KALRN: variants seen among roughly 807,000 people sequenced by gnomAD.
KALRN encodes kalirin.
KALRN carries 70 observed loss-of-function variants against 353.7 expected under a neutral mutation model. The ratio of observed to expected loss-of-function variants is 0.20; its 90% CI spans 0.16 to 0.24. KALRN has a LOEUF of 0.24. Among genes scored for constraint, KALRN ranks in the 10% least tolerant of loss-of-function variants. The pLI, the probability that KALRN is intolerant of heterozygous loss-of-function variation, is 1.00. For missense variants in KALRN, 2,791 were observed against 3,756.7 expected (o/e 0.74, Z 6.72); for synonymous variants, 1,391 against 1,434.8 (o/e 0.97, Z 0.69).
chr3:124,335,511 C>T (rs2149470807), intron 9 of KALRN, among the ~76,000 whole-genome samples: 1 of 152,252 alleles, frequency 6.6e-6, no homozygotes, highest in East Asian at 1.9e-4. Flanking sequence ...TGTACTTTCT[C>T]TGTTTCTGTC....
At chr3:124,128,843 T>G (rs892076402) in intron 1 of KALRN, among the ~76,000 whole-genome samples, 6 of 152,252 alleles carry the variant, frequency 3.9e-5, no homozygotes, top group Non-Finnish European at 8.8e-5. Context: ...AAGAGTTCTG[T>G]GGTCCAGAGT....
At chr3:124,213,838 T>A (rs1407722222) in intron 1 of KALRN, among the ~76,000 whole-genome samples, 1 of 152,228 alleles carries the variant, frequency 6.6e-6, no homozygotes, top group Non-Finnish European at 1.5e-5. Context: ...ATTTCTTATT[T>A]GCCACAGGAT....
At chr3:124,355,861 A>T (rs2083344782) in intron 10 of KALRN, among the ~76,000 whole-genome samples, 1 of 151,736 alleles carries the variant, frequency 6.6e-6, no homozygotes, top group Admixed American at 6.6e-5. Context: ...GATCAAAAGC[A>T]TGAGCCACTA....
chr3:124,053,323 A>T (rs2041217854), intron 1 of KALRN, among the ~76,000 whole-genome samples: 1 of 152,222 alleles, frequency 6.6e-6, no homozygotes, highest in Admixed American at 6.5e-5. Context: ...GGAGATAGGA[A>T]TTCTAGATAG....
intron 11 of KALRN, among the ~76,000 whole-genome samples, chr3:124,392,125 C>G (rs2089484218): frequency 6.6e-6 from 1 of 152,094 alleles, no homozygotes; most frequent in Non-Finnish European, 1.5e-5. Context: ...TCACAGCTCA[C>G]TGCAGTCTTG....
intron 49 of KALRN, among the ~76,000 whole-genome samples, chr3:124,676,521 G>C (rs3772787): frequency 0.14 from 21,907 of 152,190 alleles, 1,972 homozygotes; most frequent in Middle Eastern, 0.25. Flanking sequence ...CTTCTGGGAA[G>C]AATATGAAAC....
At chr3:124,414,666 G>C (rs2092394879) in intron 14 of KALRN, among the ~76,000 whole-genome samples, 1 of 152,184 alleles carries the variant, frequency 6.6e-6, no homozygotes, top group Non-Finnish European at 1.5e-5. Flanking sequence ...TGGTGATCTT[G>C]AGGACCGCTG....
At chr3:124,400,458 TCCAA>T (rs1232229964) in intron 13 of KALRN, among the ~76,000 whole-genome samples, 1 of 152,226 alleles carries the variant, frequency 6.6e-6, no homozygotes, top group Non-Finnish European at 1.5e-5. Flanking sequence ...TAACTATCCT[TCCAA>T]CTGATTTCAT....
At position 124,129,727 on chromosome 3, in the gene KALRN, A is replaced by G. The variant is rs949049672; in HGVS notation, c.73+95914A>G. 3.3e-5 allele frequency among the ~76,000 whole-genome samples: 5 copies of G among 152,320 alleles called. No individual in the cohort carries two copies. In the South Asian group the frequency reaches 8.3e-4, roughly 25 times the overall value. ...CCATTCACTCTATCACCATGGCCCT[A>G]TGGGCAGGGCTGTTCTCCCTTCTTC... On this transcript the variant is annotated intron_variant, in intron 1 of 59. Transcript: ENST00000682506.
rs370864890 is a variant in KALRN at position 124,145,080 on chromosome 3, G to A, written c.74-82910G>A. On this transcript the variant is annotated intron_variant, in intron 1 of 59. Coordinates refer to ENST00000682506, the MANE Select transcript of KALRN (RefSeq NM_001388419.1). The stretch of plus-strand genomic sequence containing the variant: ...GAGCAAGCCCTTCTCTTATGGGCAA[G>A]AGGATGCTTCCTGGCTAGAGCTTAA... Among the ~76,000 whole-genome samples the A allele has an allele frequency of 1.1e-4, 17 of 152,276 alleles. No individual in the cohort carries two copies. In the East Asian group the frequency reaches 2.5e-3, roughly 23 times the overall value.
intron 1 of KALRN, among the ~76,000 whole-genome samples, chr3:124,131,304 C>T (rs1029434252): frequency 2.6e-5 from 4 of 152,182 alleles, no homozygotes; most frequent in Middle Eastern, 3.2e-3. Context: ...ACTCAGGAGT[C>T]CTCTGCTATA....
chr3:124,666,404 C>T (rs764364368), intron 45 of KALRN, 45 bp from the exon 46 acceptor site: 3 of 1,588,024 alleles, frequency 1.9e-6, no homozygotes, highest in South Asian at 1.1e-5. Context: ...CAGTGGCTCG[C>T]TCCCCATTTT....
At chr3:124,080,922 A>T (rs2060508205) in intron 1 of KALRN, among the ~76,000 whole-genome samples, 1 of 152,236 alleles carries the variant, frequency 6.6e-6, no homozygotes, top group African/African-American at 2.4e-5. Context: ...AAAGTCAAAC[A>T]CAACAATTAA....
chr3:124,338,088 T>C (rs1413933362), intron 9 of KALRN, among the ~76,000 whole-genome samples: 1 of 152,186 alleles, frequency 6.6e-6, no homozygotes, highest in South Asian at 2.1e-4. Flanking sequence ...GAAAATCAGC[T>C]CCTGGATTCA....
intron 1 of KALRN, among the ~76,000 whole-genome samples, chr3:124,099,727 A>G (rs2061710075): frequency 1.3e-5 from 2 of 152,056 alleles, no homozygotes; most frequent in South Asian, 4.2e-4. Flanking sequence ...AGCATCTTTT[A>G]TTTTTTGTCT....
chr3:124,687,790 C>T (rs1006111234), intron 51 of KALRN, among the ~76,000 whole-genome samples: 4 of 151,784 alleles, frequency 2.6e-5, no homozygotes, highest in Non-Finnish European at 5.9e-5. Context: ...AAATCATCAA[C>T]AAAAATATCC....
intron 3 of KALRN, among the ~76,000 whole-genome samples, chr3:124,253,589 A>G (rs1326776221): frequency 6.6e-6 from 1 of 152,192 alleles, no homozygotes. Flanking sequence ...CCCTCATTAA[A>G]TGAGGAACTC....
intron 12 of KALRN, among the ~76,000 whole-genome samples, chr3:124,398,316 A>ATG (rs746496478): frequency 2.6e-5 from 4 of 152,048 alleles, no homozygotes; most frequent in East Asian, 1.9e-4. Context: ...TGATAGATTT[A>ATG]TGTGTGTGTG....
At chr3:124,336,682 TG>T (rs1361484104) in intron 9 of KALRN, among the ~76,000 whole-genome samples, 1 of 152,180 alleles carries the variant, frequency 6.6e-6, no homozygotes, top group Non-Finnish European at 1.5e-5. Context: ...AAACCACACC[TG>T]TGGTTGTTCT....
Sources: allele counts gnomAD v4.1 joint callset (sites outside exome capture counted in the v4.1 genomes callset), GRCh38; gene constraint gnomAD v4.1.1; transcripts MANE v1.5; gene names NCBI Gene and HGNC (gene_info 2026-07-23, HGNC 2026-07-21).